ZNF407: variants seen among roughly 807,000 people sequenced by gnomAD.
The protein encoded by ZNF407 is zinc finger protein 407.
In ZNF407, 17 loss-of-function variants were observed where a neutral mutation model predicts 131.2. That is an observed-to-expected ratio of 0.13 (90% CI 0.09 to 0.19). ZNF407 has a LOEUF of 0.19. ZNF407 is among the 10% of genes least tolerant of loss of function. The pLI is 1.00. For missense variants in ZNF407, 2,681 were observed against 2,830.6 expected, an observed-to-expected ratio of 0.95 and a Z score of 1.20; for synonymous variants, 1,156 against 1,062.0, an observed-to-expected ratio of 1.09 and a Z score of -1.72.
intron 8 of ZNF407, among the ~76,000 whole-genome samples, chr18:75,023,679 C>T (rs565099807): frequency 1.3e-5 from 2 of 152,240 alleles, no homozygotes; most frequent in East Asian, 3.9e-4. Context: ...TCGGCTTTCT[C>T]TAATTATAGT....
intron 3 of ZNF407, among the ~76,000 whole-genome samples, chr18:74,773,920 T>C (rs960362917): frequency 6.6e-6 from 1 of 152,218 alleles, no homozygotes; most frequent in African/African-American, 2.4e-5. Context: ...TAAACACCAC[T>C]ACCTACTATA....
At chr18:74,763,572 C>T (rs925844868) in intron 3 of ZNF407, among the ~76,000 whole-genome samples, 12 of 151,316 alleles carry the variant, frequency 7.9e-5, no homozygotes, top group Non-Finnish European at 1.3e-4. Context: ...ATTATATTTA[C>T]GGTCTGTGAT....
At chr18:74,779,109 A>ATTTTTTTTTTTTTTTTT in intron 3 of ZNF407, among the ~76,000 whole-genome samples, 1 of 24,372 alleles carries the variant, frequency 4.1e-5, no homozygotes, top group Non-Finnish European at 7.2e-5. Flanking sequence ...ATATATATAT[A>ATTTTTTTTTTTTTTTTT]TTTTTTTTTT....
At chr18:74,736,044 G>T (rs952226264) in intron 3 of ZNF407, among the ~76,000 whole-genome samples, 1 of 152,226 alleles carries the variant, frequency 6.6e-6, no homozygotes, top group Non-Finnish European at 1.5e-5. Flanking sequence ...ACTCTCATTT[G>T]CATGATAGGC....
intron 4 of ZNF407, among the ~76,000 whole-genome samples, chr18:74,863,195 A>G (rs1171455374): frequency 6.6e-6 from 1 of 151,718 alleles, no homozygotes; most frequent in Non-Finnish European, 1.5e-5. Context: ...TGCTGGGATT[A>G]CAGGTGTGAG....
At chr18:74,942,090 G>A (rs1972105936) in intron 8 of ZNF407, among the ~76,000 whole-genome samples, 1 of 152,174 alleles carries the variant, frequency 6.6e-6, no homozygotes, top group African/African-American at 2.4e-5. Context: ...GATCATGTGT[G>A]AAAGTTCTTT....
chr18:74,922,330 G>A (rs989708760), intron 8 of ZNF407, among the ~76,000 whole-genome samples: 1 of 152,178 alleles, frequency 6.6e-6, no homozygotes, highest in African/African-American at 2.4e-5. Flanking sequence ...TCAGCAAAGT[G>A]TCCTCCTCGA....
At chr18:74,854,720 C>T (rs999923834) in intron 4 of ZNF407, among the ~76,000 whole-genome samples, 5 of 151,950 alleles carry the variant, frequency 3.3e-5, no homozygotes, top group African/African-American at 1.2e-4. Context: ...ACTACACAGA[C>T]ACACACACAT....
intron 3 of ZNF407, among the ~76,000 whole-genome samples, chr18:74,657,855 T>A (rs919531729): frequency 1.3e-5 from 2 of 152,020 alleles, no homozygotes; most frequent in African/African-American, 4.8e-5. Context: ...CATCCTCTCC[T>A]TCCTCCCTGT....
At chr18:74,690,367 GA>G (rs1401047813) in intron 3 of ZNF407, among the ~76,000 whole-genome samples, 1 of 151,714 alleles carries the variant, frequency 6.6e-6, no homozygotes, top group Non-Finnish European at 1.5e-5. Flanking sequence ...ACAATTAACA[GA>G]ACCTACCTCA....
At chr18:75,028,517 A>G (rs1973198184) in intron 8 of ZNF407, among the ~76,000 whole-genome samples, 1 of 152,212 alleles carries the variant, frequency 6.6e-6, no homozygotes, top group Admixed American at 6.5e-5. Flanking sequence ...TAGGACTTCA[A>G]CACAGGAATT....
chr18:74,727,671 A>G (rs901609663), intron 3 of ZNF407, among the ~76,000 whole-genome samples: 2 of 152,166 alleles, frequency 1.3e-5, no homozygotes, highest in Non-Finnish European at 2.9e-5. Context: ...ACCTTCCCCG[A>G]ATATATGTTA....
At chr18:74,799,772 A>G (rs1249094703) in intron 4 of ZNF407, among the ~76,000 whole-genome samples, 1 of 152,026 alleles carries the variant, frequency 6.6e-6, no homozygotes, top group African/African-American at 2.4e-5. Context: ...GAGAATGCGT[A>G]TGCACCTGTA....
intron 3 of ZNF407, among the ~76,000 whole-genome samples, chr18:74,723,933 T>A (rs1346205100): frequency 1.2e-5 from 1 of 81,570 alleles, no homozygotes; most frequent in Non-Finnish European, 2.3e-5. Flanking sequence ...GCTCTTCTGG[T>A]GTGGGGCGGG....
chr18:74,858,462 G>C (rs1307639848), intron 4 of ZNF407, among the ~76,000 whole-genome samples: 1 of 152,086 alleles, frequency 6.6e-6, no homozygotes, highest in Non-Finnish European at 1.5e-5. Context: ...ATAGTCACTG[G>C]CTGGCTTTTT....
intron 3 of ZNF407, among the ~76,000 whole-genome samples, chr18:74,660,247 T>A (rs1985655201): frequency 6.6e-6 from 1 of 152,098 alleles, no homozygotes; most frequent in Admixed American, 6.5e-5. Flanking sequence ...AAACATAGAT[T>A]TTTTTTATTC....
intron 4 of ZNF407, among the ~76,000 whole-genome samples, chr18:74,808,400 A>G (rs1325569688): frequency 2.0e-5 from 3 of 152,230 alleles, no homozygotes; most frequent in African/African-American, 4.8e-5. Flanking sequence ...TGTAATTACT[A>G]TTAAAACGAT....
intron 3 of ZNF407, among the ~76,000 whole-genome samples, chr18:74,694,392 G>A (rs1473481257): frequency 6.6e-6 from 1 of 151,548 alleles, no homozygotes; most frequent in African/African-American, 2.4e-5. Context: ...CTTGGAATTT[G>A]ATCAATTCCA....
chr18:75,063,720 G>A lies in ZNF407; in HGVS notation c.5999G>A (p.Gly2000Glu). Reference protein sequence around the residue: ...DALLCAVTELGEVEGRAGLEE... With the variant: ...DALLCAVTELEEVEGRAGLEE... ...TTGCTCTGTGCGGTCACTGAATTAG[G>A]GGAGGTGGAGGGCAGGGCTGGGCTC... Residue 2000 changes from glycine to glutamate, a missense_variant, in exon 9 of 9, where the codon GGG becomes GAG. Transcript: ENST00000299687. This position sits in a 1 kb window ranked among gnomAD's most constrained non-coding sequence, Gnocchi z 6.6. 3.1e-6 allele frequency: 5 copies of A among 1,612,452 alleles called. No individual in the cohort carries two copies. Among genetic ancestry groups the A allele is most frequent in the Non-Finnish European group, 4.2e-6 (5 of 1,179,786 alleles).
Sources: allele counts gnomAD v4.1 joint callset (sites outside exome capture counted in the v4.1 genomes callset), GRCh38; gene constraint gnomAD v4.1.1; non-coding constraint Gnocchi (gnomAD v3.1); transcripts MANE v1.5; gene names NCBI Gene and HGNC (gene_info 2026-07-23, HGNC 2026-07-21).